Variants in ANKRD6 observed in about 807,000 individuals in gnomAD.
ANKRD6 encodes the protein ankyrin repeat domain-containing protein 6.
Under a neutral mutation model 82.3 loss-of-function variants are expected in ANKRD6, and 56 were observed. The observed-to-expected ratio is 0.68, with a 90% CI of 0.55 to 0.85. The LOEUF is 0.85. Ranked by LOEUF, ANKRD6 falls within the 40% of genes least tolerant of loss-of-function variation. The pLI is 0.00. For synonymous variants in ANKRD6, 347 were observed against 352.1 expected, an observed-to-expected ratio of 0.99 and a Z score of 0.16; for missense variants, 852 against 907.6, an observed-to-expected ratio of 0.94 and a Z score of 0.79.
chr6:89,539,604 A>T (rs1562759064), intron 1 of ANKRD6, among the ~76,000 whole-genome samples: 1 of 152,108 alleles, frequency 6.6e-6, no homozygotes, highest in African/African-American at 2.4e-5. Flanking sequence ...TAGGCATGCA[A>T]TGTGAAATAC....
intron 13 of ANKRD6, among the ~76,000 whole-genome samples, chr6:89,627,111 CT>C (rs58369165): frequency 3.4e-3 from 487 of 144,332 alleles, no homozygotes; most frequent in Middle Eastern, 3.6e-3. Flanking sequence ...GTCTCTCTCT[CT>C]TTTTTTTTTT....
intron 2 of ANKRD6, 63 bp downstream of exon 2, chr6:89,567,159 CT>C: frequency 6.5e-7 from 1 of 1,536,288 alleles, no homozygotes; most frequent in Non-Finnish European, 8.8e-7. Context: ...TAACCATTGT[CT>C]GAAAAACTGC....
chr6:89,555,093 C>A (rs1474669539), intron 1 of ANKRD6, among the ~76,000 whole-genome samples: 5 of 123,086 alleles, frequency 4.1e-5, no homozygotes, highest in Non-Finnish European at 1.7e-5. Flanking sequence ...CTCCCTCCCC[C>A]CTCTCTCCCC....
At chr6:89,481,258 G>A (rs1297443392) in intron 1 of ANKRD6, among the ~76,000 whole-genome samples, 1 of 152,088 alleles carries the variant, frequency 6.6e-6, no homozygotes, top group East Asian at 1.9e-4. Flanking sequence ...AGCAAAATGG[G>A]TACTCTCATA....
intron 1 of ANKRD6, among the ~76,000 whole-genome samples, chr6:89,465,317 C>T (rs1196132650): frequency 5.3e-5 from 8 of 151,934 alleles, no homozygotes; most frequent in Non-Finnish European, 7.4e-5. Context: ...GATGGGGTTT[C>T]ACCATGCTGG....
At chr6:89,442,826 C>T (rs1345919191) in intron 1 of ANKRD6, among the ~76,000 whole-genome samples, 2 of 152,110 alleles carry the variant, frequency 1.3e-5, no homozygotes, top group Non-Finnish European at 1.5e-5. Context: ...GGTGAAGTCT[C>T]ATAGGTGGCC....
At chr6:89,628,178 T>A (rs1198980166) in intron 14 of ANKRD6, 1 of 163,208 alleles carries the variant, frequency 6.1e-6, no homozygotes, top group African/African-American at 2.4e-5. Context: ...AGATTGTAGA[T>A]AGCTCTCTGC....
At chr6:89,616,387 T>G (rs1470369712) in intron 7 of ANKRD6, 172 bp from the exon 8 acceptor site, 2 of 605,526 alleles carry the variant, frequency 3.3e-6, no homozygotes, top group African/African-American at 3.7e-5. Flanking sequence ...GGTCACTTAG[T>G]TCCAAGACCT....
In ANKRD6 at chr6:89,630,562, C is replaced by T. The variant is rs752568024; in HGVS notation, c.1742C>T (p.Ser581Phe). The T allele has an allele frequency of 6.2e-7, 1 of 1,613,958 alleles. No homozygotes were observed. Among genetic ancestry groups the T allele is most frequent in the Admixed American group, 1.7e-5 (1 of 60,008 alleles). Residue 581 changes from serine (S) to phenylalanine (F), a missense_variant, in exon 16 of 16, where the codon TCT (serine) becomes TTT (phenylalanine). By Grantham distance (155) the Ser-to-Phe change is radical. Coordinates refer to ENST00000339746, the MANE Select transcript of ANKRD6 (RefSeq NM_001242809.2). ...AGACTCCAGCAGGAGCTGTCGTCTTCTGACTGTACAGGCTCCCGACTGAGA... is the reference window on the plus strand; with the variant it reads ...AGACTCCAGCAGGAGCTGTCGTCTTTTGACTGTACAGGCTCCCGACTGAGA... ...TQRLQQELSS[S>F]DCTGSRLRNV...
At chr6:89,616,538 A>G in intron 7 of ANKRD6, 21 bp from the exon 8 acceptor site, 1 of 1,612,974 alleles carries the variant, frequency 6.2e-7, no homozygotes. Flanking sequence ...GAGGTTTAGC[A>G]GACCTTCTAA....
chr6:89,604,253 G>A (rs914647328), intron 4 of ANKRD6, among the ~76,000 whole-genome samples: 21 of 152,030 alleles, frequency 1.4e-4, no homozygotes, highest in South Asian at 4.2e-4. Context: ...GCTTGAACCC[G>A]GGAGGTGGAG....
chr6:89,563,889 T>C (rs910013935), intron 1 of ANKRD6, among the ~76,000 whole-genome samples: 2 of 152,054 alleles, frequency 1.3e-5, no homozygotes, highest in African/African-American at 4.8e-5. Flanking sequence ...AGAGAGGTGG[T>C]GTCTCTGCTT....
At chr6:89,516,315 G>C (rs1781204327) in intron 1 of ANKRD6, among the ~76,000 whole-genome samples, 1 of 152,180 alleles carries the variant, frequency 6.6e-6, no homozygotes, top group Non-Finnish European at 1.5e-5. Context: ...TCCATGAGCT[G>C]AGACATCAAT....
chr6:89,628,785 C>CA, intron 14 of ANKRD6: 11 of 260,820 alleles, frequency 4.2e-5, no homozygotes, highest in South Asian at 2.7e-4. Context: ...AACAAACAAA[C>CA]AAACAAAAAA....
At chr6:89,619,006 T>C (rs1802317801) in intron 9 of ANKRD6, among the ~76,000 whole-genome samples, 1 of 152,198 alleles carries the variant, frequency 6.6e-6, no homozygotes, top group Non-Finnish European at 1.5e-5. Flanking sequence ...TGCTGCAAAA[T>C]AACCCGACAA....
intron 1 of ANKRD6, among the ~76,000 whole-genome samples, chr6:89,490,368 C>T (rs145606942): frequency 3.5e-3 from 526 of 152,320 alleles, no homozygotes; most frequent in Middle Eastern, 0.014. Context: ...TACACAAATA[C>T]GTGATACCTC....
In ANKRD6 at chr6:89,623,405, T is replaced by C. The variant is rs1375029955; in HGVS notation, c.898-5T>C. 1 of 1,611,264 alleles carries C rather than the reference T, an allele frequency of 6.2e-7. No homozygotes were observed. The highest frequency in any genetic ancestry group is 1.1e-5 in the South Asian group (1 of 90,466). The stretch of plus-strand genomic sequence containing the variant: ...AATGGGTCTCTGGGCTTTTTCCTTC[T>C]GTAGGGCAGTGTCTCAGCAGGAGAC... On this transcript the variant is annotated splice_polypyrimidine_tract_variant and splice_region_variant and intron_variant, in intron 10 of 15. Transcript: ENST00000339746.
At chr6:89,524,882 C>T (rs1428037163) in intron 1 of ANKRD6, among the ~76,000 whole-genome samples, 3 of 151,784 alleles carry the variant, frequency 2.0e-5, no homozygotes, top group African/African-American at 7.3e-5. Flanking sequence ...TCCATGCCAA[C>T]ATCTATTTTT....
At chr6:89,622,980 C>T (rs925114814) in intron 10 of ANKRD6, among the ~76,000 whole-genome samples, 2 of 122,658 alleles carry the variant, frequency 1.6e-5, no homozygotes, top group African/African-American at 3.2e-5. Flanking sequence ...GATTCTTACT[C>T]TTTGCCATGA....
Sources: gnomAD v4.1 joint callset for allele counts (sites outside exome capture counted in the v4.1 genomes callset) on GRCh38, gnomAD v4.1.1 for gene constraint, MANE v1.5 for transcripts, NCBI Gene and HGNC (gene_info 2026-07-23, HGNC 2026-07-21) for gene names.